TMEM67: variants seen among roughly 807,000 people sequenced by gnomAD.
TMEM67 encodes the protein meckelin.
TMEM67 carries 124 observed loss-of-function variants against 136.6 expected under a neutral mutation model. The ratio of observed to expected loss-of-function variants is 0.91; its 90% CI spans 0.78 to 1.05. TMEM67 has a LOEUF of 1.05. TMEM67 is among the 50% of genes least tolerant of loss of function. The pLI is 0.00. For synonymous variants in TMEM67, 364 were observed against 390.5 expected (o/e 0.93, Z 0.80); for missense variants, 1,107 against 1,178.4 (o/e 0.94, Z 0.89).
intron 13 of TMEM67, among the ~76,000 whole-genome samples, chr8:93,787,082 G>C (rs552030025): frequency 7.9e-5 from 12 of 152,084 alleles, no homozygotes; most frequent in Admixed American, 4.6e-4. Context: ...GGTGTTCCTA[G>C]TAAAAATGAA....
intron 23 of TMEM67, among the ~76,000 whole-genome samples, chr8:93,806,837 C>A (rs1266578496): frequency 1.3e-5 from 2 of 151,818 alleles, no homozygotes; most frequent in Non-Finnish European, 2.9e-5. Flanking sequence ...GAATAGAAAT[C>A]ATCAAAAAGG....
rs372886148 is a variant in TMEM67, at chr8:93,758,496, A to G, written c.326A>G (p.Glu109Gly). The G allele has an allele frequency of 7.4e-5, 119 of 1,613,364 alleles. No individual in the cohort carries two copies. The highest frequency in any genetic ancestry group is 9.5e-5 in the Non-Finnish European group (112 of 1,179,548). ...CTTTTAATTTAGAAAGGTGTTACAG[A>G]AGATGGCTGGAACTGCATTTCTTGC... ...KCPENMKGVTEDGWNCISCPS... is the reference protein window; with the variant it reads ...KCPENMKGVTGDGWNCISCPS... Residue 109 changes from glutamate to glycine, a missense_variant, in exon 3 of 28, where the codon GAA becomes GGA. Transcript: ENST00000453321.
intron 3 of TMEM67, among the ~76,000 whole-genome samples, chr8:93,760,998 A>T (rs994371086): frequency 3.3e-5 from 5 of 152,196 alleles, no homozygotes; most frequent in Admixed American, 3.3e-4. Flanking sequence ...TTTTATTTTT[A>T]ACCTACCAGA....
intron 2 of TMEM67, chr8:93,756,755 A>G (rs976323573): frequency 6.6e-6 from 1 of 152,160 alleles, no homozygotes; most frequent in African/African-American, 2.4e-5. Context: ...TTTCAGTGAC[A>G]TTGTTTAAGT....
chr8:93,826,944 G>A, the TMEM67 span, among the ~76,000 whole-genome samples: 18 of 151,886 alleles, frequency 1.2e-4, no homozygotes, highest in South Asian at 2.1e-4. Flanking sequence ...ATTCTCCTTC[G>A]TCAGCCTCCC....
At chr8:93,793,154 T>G (rs1160575512) in intron 15 of TMEM67, 44 bp from the exon 16 acceptor site, 2 of 1,548,046 alleles carry the variant, frequency 1.3e-6, no homozygotes, top group Non-Finnish European at 1.8e-6. Context: ...TGAACACCGA[T>G]GACAGAAATT....
At chr8:93,782,008 T>G (rs1436818646) in intron 10 of TMEM67, among the ~76,000 whole-genome samples, 1 of 152,134 alleles carries the variant, frequency 6.6e-6, no homozygotes, top group Non-Finnish European at 1.5e-5. Context: ...AAGCTCCGCC[T>G]TGCGGGTTCA....
downstream of TMEM67, among the ~76,000 whole-genome samples, chr8:93,823,588 G>A (rs868606165): frequency 1.3e-5 from 2 of 152,106 alleles, no homozygotes; most frequent in Admixed American, 6.5e-5. Context: ...AAGCTGGCCA[G>A]GACTATAGGA....
At chr8:93,832,393 A>G in the TMEM67 span, among the ~76,000 whole-genome samples, 2 of 152,146 alleles carry the variant, frequency 1.3e-5, no homozygotes, top group East Asian at 3.9e-4. Flanking sequence ...CAACTCCACC[A>G]TCTCTCTACT....
chr8:93,819,240 A>T (rs1168914498), downstream of TMEM67: 2 of 430,406 alleles, frequency 4.6e-6, no homozygotes, highest in Non-Finnish European at 9.0e-6. Context: ...TAAAACTCAG[A>T]TTACTGATCT....
chr8:93,795,326 T>A (rs1814559937), intron 16 of TMEM67, 83 bp from the exon 17 acceptor site: 2 of 1,072,916 alleles, frequency 1.9e-6, no homozygotes, highest in Non-Finnish European at 2.9e-6. Flanking sequence ...ATGGAGTGGA[T>A]GATGTATAAA....
intron 16 of TMEM67, among the ~76,000 whole-genome samples, chr8:93,793,945 C>T (rs1335596886): frequency 1.3e-5 from 2 of 152,012 alleles, no homozygotes; most frequent in African/African-American, 2.4e-5. Flanking sequence ...GGCTGGAGTG[C>T]AGAGGCACAA....
chr8:93,779,124 C>G (rs1351287415), intron 7 of TMEM67, among the ~76,000 whole-genome samples: 1 of 152,046 alleles, frequency 6.6e-6, no homozygotes, highest in South Asian at 2.1e-4. Flanking sequence ...TTACTGATAC[C>G]CTTTCTTCCA....
intron 14 of TMEM67, among the ~76,000 whole-genome samples, chr8:93,788,192 A>G (rs922362970): frequency 5.3e-5 from 8 of 152,200 alleles, no homozygotes; most frequent in Non-Finnish European, 1.2e-4. Flanking sequence ...CCAGCAGTTG[A>G]GTATCCTTGT....
chr8:93,810,471 T>G (rs1313558680), intron 26 of TMEM67, among the ~76,000 whole-genome samples: 1 of 151,858 alleles, frequency 6.6e-6, no homozygotes, highest in Non-Finnish European at 1.5e-5. Flanking sequence ...TCCCAGTTAC[T>G]TGGGAGGCTG....
intron 20 of TMEM67, among the ~76,000 whole-genome samples, chr8:93,798,804 T>C (rs1218549777): frequency 6.6e-6 from 1 of 152,130 alleles, no homozygotes; most frequent in Non-Finnish European, 1.5e-5. Context: ...GGTATTTTGG[T>C]TTTTCTTAAA....
chr8:93,800,504 C>T (rs1474102035), intron 21 of TMEM67, among the ~76,000 whole-genome samples: 1 of 152,074 alleles, frequency 6.6e-6, no homozygotes, highest in Non-Finnish European at 1.5e-5. Context: ...GACTCAATCC[C>T]AACATACTAT....
intron 15 of TMEM67, 50 bp from the exon 16 acceptor site, chr8:93,793,148 C>A: frequency 1.3e-6 from 2 of 1,529,378 alleles, no homozygotes; most frequent in Non-Finnish European, 9.1e-7. Flanking sequence ...TGTTTTTGAA[C>A]ACCGATGACA....
intron 13 of TMEM67, 67 bp from the exon 14 acceptor site, chr8:93,787,777 G>A (rs1814177163): frequency 8.3e-7 from 1 of 1,200,438 alleles, no homozygotes; most frequent in Non-Finnish European, 1.2e-6. Context: ...AAAAGAAATG[G>A]TAAGTTAAAT....
Sources: gnomAD v4.1 joint callset for allele counts (sites outside exome capture counted in the v4.1 genomes callset) on GRCh38, gnomAD v4.1.1 for gene constraint, MANE v1.5 for transcripts, NCBI Gene and HGNC (gene_info 2026-07-23, HGNC 2026-07-21) for gene names.